Variants in KHDRBS2 observed in about 807,000 individuals in gnomAD.
KHDRBS2 encodes the protein KH RNA binding domain containing, signal transduction associated 2, also known as KH domain-containing, RNA-binding, signal transduction-associated protein 2.
A neutral mutation model predicts 44.3 loss-of-function variants in KHDRBS2; 26 were observed. The ratio of observed to expected loss-of-function variants is 0.59; its 90% CI spans 0.43 to 0.81. KHDRBS2 has a LOEUF of 0.81. Ranked by LOEUF, KHDRBS2 falls within the 40% of genes least tolerant of loss-of-function variation. The pLI, the probability that KHDRBS2 is intolerant of heterozygous loss-of-function variation, is 0.00. For missense variants in KHDRBS2, 476 were observed against 433.1 expected, an observed-to-expected ratio of 1.10 and a Z score of -0.88; for synonymous variants, 194 against 151.1, an observed-to-expected ratio of 1.28 and a Z score of -2.08.
At chr6:61,686,556 A>G (rs1766832003) in intron 8 of KHDRBS2, among the ~76,000 whole-genome samples, 1 of 151,714 alleles carries the variant, frequency 6.6e-6, no homozygotes, top group Admixed American at 6.6e-5. Context: ...ATGTTTAAAC[A>G]CCTATCATAT....
chr6:61,618,979 T>C, the KHDRBS2 span, among the ~76,000 whole-genome samples: 1 of 152,198 alleles, frequency 6.6e-6, no homozygotes, highest in Non-Finnish European at 1.5e-5. Flanking sequence ...TCTGTCTATT[T>C]TGAGTTATGG....
At chr6:62,242,565 G>T (rs1834855855) in intron 1 of KHDRBS2, among the ~76,000 whole-genome samples, 1 of 151,978 alleles carries the variant, frequency 6.6e-6, no homozygotes, top group Admixed American at 6.6e-5. Context: ...CAATACTTTA[G>T]ATGAACGGTA....
chr6:61,926,936 T>A (rs1205122426), intron 4 of KHDRBS2, among the ~76,000 whole-genome samples: 2 of 152,018 alleles, frequency 1.3e-5, no homozygotes, highest in Non-Finnish European at 2.9e-5. Flanking sequence ...ATGAAAAACT[T>A]TGGGGAAGAT....
intron 4 of KHDRBS2, among the ~76,000 whole-genome samples, chr6:61,958,884 C>G (rs1768013200): frequency 6.6e-6 from 1 of 152,124 alleles, no homozygotes. Flanking sequence ...ACAAGCCTGA[C>G]ATAAACCCAC....
At chr6:61,760,346 T>G (rs1205622606) in intron 6 of KHDRBS2, among the ~76,000 whole-genome samples, 2 of 152,156 alleles carry the variant, frequency 1.3e-5, no homozygotes, top group African/African-American at 4.8e-5. Flanking sequence ...GAAAAGCCAT[T>G]ACTGGGCTGG....
the KHDRBS2 span, among the ~76,000 whole-genome samples, chr6:61,579,251 G>A: frequency 7.9e-5 from 12 of 152,002 alleles, no homozygotes; most frequent in African/African-American, 2.4e-4. Flanking sequence ...ACTTCTCTTC[G>A]GTAATGAAGA....
intron 6 of KHDRBS2, among the ~76,000 whole-genome samples, chr6:61,799,396 A>C (rs763665705): frequency 4.6e-5 from 7 of 151,802 alleles, no homozygotes; most frequent in Non-Finnish European, 7.4e-5. Context: ...TCTTTTTTAC[A>C]TAGTTCATGA....
In KHDRBS2 at chr6:62,100,748, G is replaced by A. The variant is rs191515453; in HGVS notation, c.220-52754C>T. ...AGAAATAATACTTTATACTTAAATAGACTATAGTGTAGCATAAACCTAACT... is the reference window on the plus strand; with the variant it reads ...AGAAATAATACTTTATACTTAAATAAACTATAGTGTAGCATAAACCTAACT... On this transcript the variant is annotated intron_variant, in intron 2 of 8. Transcript: ENST00000281156. Among the ~76,000 whole-genome samples the A allele has an allele frequency of 2.5e-3, 386 of 152,200 alleles. 1 individual carries two copies. The highest frequency in any genetic ancestry group is 3.1e-3 in the Non-Finnish European group (213 of 68,010).
intron 7 of KHDRBS2, among the ~76,000 whole-genome samples, chr6:61,720,790 C>A (rs375465628): frequency 1.3e-5 from 2 of 151,222 alleles, no homozygotes; most frequent in African/African-American, 4.9e-5. Flanking sequence ...TAATTAGATC[C>A]CATTTGTCAA....
At chr6:62,117,722 G>A (rs1019652084) in intron 2 of KHDRBS2, among the ~76,000 whole-genome samples, 9 of 151,840 alleles carry the variant, frequency 5.9e-5, no homozygotes, top group Non-Finnish European at 1.2e-4. Flanking sequence ...TTTTCTTCTA[G>A]TATTTTCATA....
chr6:62,066,791 T>C (rs1487932552), intron 2 of KHDRBS2, among the ~76,000 whole-genome samples: 1 of 151,614 alleles, frequency 6.6e-6, no homozygotes, highest in African/African-American at 2.4e-5. Flanking sequence ...AAATATAAAT[T>C]CATTTCCAAG....
At chr6:62,074,379 T>C (rs568141379) in intron 2 of KHDRBS2, among the ~76,000 whole-genome samples, 3 of 151,876 alleles carry the variant, frequency 2.0e-5, no homozygotes, top group Non-Finnish European at 2.9e-5. Flanking sequence ...AAAAACTCTA[T>C]GCAAATGTTA....
At chr6:61,662,298 G>A in the KHDRBS2 span, among the ~76,000 whole-genome samples, 1 of 152,004 alleles carries the variant, frequency 6.6e-6, no homozygotes, top group East Asian at 1.9e-4. Context: ...AAAAACCCTA[G>A]AAGAAAACCT....
chr6:61,720,226 C>T (rs917862158), intron 7 of KHDRBS2, among the ~76,000 whole-genome samples: 32 of 152,066 alleles, frequency 2.1e-4, no homozygotes, highest in Admixed American at 3.9e-4. Context: ...TGAATAATGC[C>T]GCAATAAACA....
In KHDRBS2 at chr6:62,139,204, A is replaced by AAT. The variant is rs199646838; in HGVS notation, c.219+37979_219+37980dup. Among the ~76,000 whole-genome samples the AAT allele has an allele frequency of 4.8e-3, 736 of 152,194 alleles. 15 individuals are homozygous for AAT. The East Asian group carries it at 0.05, about 10-fold the overall frequency. On this transcript the variant is annotated intron_variant, in intron 2 of 8. Coordinates refer to ENST00000281156, the MANE Select transcript of KHDRBS2 (RefSeq NM_152688.4). Reference sequence around the variant, plus strand: ...ATGCCAATGGAAAGACAAGAGAATAAATATATATATTACTTTGCAAAAAGA... The same window carrying AAT: ...ATGCCAATGGAAAGACAAGAGAATAAATATATATATATTACTTTGCAAAAAGA...
At chr6:61,596,078 G>A in the KHDRBS2 span, among the ~76,000 whole-genome samples, 5 of 152,076 alleles carry the variant, frequency 3.3e-5, no homozygotes, top group African/African-American at 1.2e-4. Flanking sequence ...GATGGCAGCT[G>A]GTGACCCAGG....
At chr6:61,782,370 C>T (rs1236869679) in intron 6 of KHDRBS2, among the ~76,000 whole-genome samples, 1 of 151,916 alleles carries the variant, frequency 6.6e-6, no homozygotes, top group Non-Finnish European at 1.5e-5. Flanking sequence ...CTGATAAAGA[C>T]TATGAAATAC....
chr6:61,967,152 G>A (rs1469200443), intron 4 of KHDRBS2, among the ~76,000 whole-genome samples: 1 of 148,212 alleles, frequency 6.7e-6, no homozygotes, highest in Non-Finnish European at 1.5e-5. Context: ...TTACAATTGT[G>A]TGCCATGTTT....
At chr6:61,561,765 G>A in the KHDRBS2 span, among the ~76,000 whole-genome samples, 21 of 152,250 alleles carry the variant, frequency 1.4e-4, no homozygotes, top group South Asian at 1.7e-3. Flanking sequence ...TCTGGCCCAG[G>A]ATAGGTCCAG....
Sources: gnomAD v4.1 joint callset for allele counts (sites outside exome capture counted in the v4.1 genomes callset) on GRCh38, gnomAD v4.1.1 for gene constraint, MANE v1.5 for transcripts, NCBI Gene and HGNC (gene_info 2026-07-23, HGNC 2026-07-21) for gene names.